LDB2: variants seen among roughly 807,000 people sequenced by gnomAD.
LDB2 encodes LIM domain-binding protein 2.
LDB2 carries 12 observed loss-of-function variants against 44.3 expected under a neutral mutation model. The ratio of observed to expected loss-of-function variants is 0.27; its 90% CI spans 0.17 to 0.44. The LOEUF is 0.44. Among genes scored for constraint, LDB2 ranks in the 20% least tolerant of loss-of-function variants. The probability of loss-of-function intolerance (pLI) is 1.00; values close to 1 mark genes in which losing one functional copy is unlikely to be tolerated. For missense variants in LDB2, 344 were observed against 473.5 expected (o/e 0.73, Z 2.54); for synonymous variants, 164 against 174.8 (o/e 0.94, Z 0.49).
chr4:16,694,020 T>C (rs940592075), intron 2 of LDB2, among the ~76,000 whole-genome samples: 1 of 152,198 alleles, frequency 6.6e-6, no homozygotes, highest in Non-Finnish European at 1.5e-5. Context: ...GATCTCATGA[T>C]AGCACTGAGA....
intron 1 of LDB2, among the ~76,000 whole-genome samples, chr4:16,860,802 T>G (rs553478185): frequency 6.6e-6 from 1 of 152,352 alleles, no homozygotes; most frequent in East Asian, 1.9e-4. Context: ...GGCTGGTGAA[T>G]GTATTTTATA....
intron 5 of LDB2, among the ~76,000 whole-genome samples, chr4:16,541,731 G>T (rs974171257): frequency 6.6e-6 from 1 of 152,084 alleles, no homozygotes; most frequent in African/African-American, 2.4e-5. Flanking sequence ...ATGCCACAAG[G>T]ATGACCTTAA....
chr4:16,590,588 C>G (rs1468269213), intron 3 of LDB2, among the ~76,000 whole-genome samples: 1 of 152,182 alleles, frequency 6.6e-6, no homozygotes, highest in Admixed American at 6.5e-5. Flanking sequence ...AATGCCAGTA[C>G]AGGAGAATTA....
At chr4:16,731,536 A>C (rs1302589261) in intron 2 of LDB2, among the ~76,000 whole-genome samples, 1 of 152,176 alleles carries the variant, frequency 6.6e-6, no homozygotes, top group Non-Finnish European at 1.5e-5. Flanking sequence ...GCACACATGC[A>C]CAAAGACACA....
chr4:16,680,417 G>A (rs559225718), intron 2 of LDB2, among the ~76,000 whole-genome samples: 75 of 152,294 alleles, frequency 4.9e-4, no homozygotes, highest in African/African-American at 1.7e-3. Context: ...CTGGCAAAGA[G>A]CATAAGTGCT....
At chr4:16,880,048 CCCAAA>C (rs1339534997) in intron 1 of LDB2, among the ~76,000 whole-genome samples, 1 of 152,108 alleles carries the variant, frequency 6.6e-6, no homozygotes, top group Non-Finnish European at 1.5e-5. Context: ...CCTTTATTTC[CCCAAA>C]CCAGATGCCC....
At chr4:16,595,150 TC>T (rs1720454842) in intron 3 of LDB2, among the ~76,000 whole-genome samples, 1 of 152,148 alleles carries the variant, frequency 6.6e-6, no homozygotes, top group African/African-American at 2.4e-5. Flanking sequence ...GATAATCCGA[TC>T]CTGACACTTG....
chr4:16,510,039 C>T (rs956922069), intron 6 of LDB2, among the ~76,000 whole-genome samples: 6 of 152,132 alleles, frequency 3.9e-5, no homozygotes, highest in East Asian at 1.9e-4. Flanking sequence ...CACCTGAGCC[C>T]GGAAGTCGAG....
chr4:16,762,483 G>A (rs547019626), intron 1 of LDB2, among the ~76,000 whole-genome samples: 40 of 152,286 alleles, frequency 2.6e-4, no homozygotes, highest in Middle Eastern at 6.8e-3. Context: ...CATGGCTGGG[G>A]AGGCCTCAGG....
intron 1 of LDB2, among the ~76,000 whole-genome samples, chr4:16,876,789 AT>A (rs1182564053): frequency 1.3e-5 from 2 of 152,180 alleles, no homozygotes; most frequent in Non-Finnish European, 2.9e-5. Context: ...ATTTCTAGAA[AT>A]AAGTATTGCC....
chr4:16,628,809 C>A (rs926571040), intron 2 of LDB2, among the ~76,000 whole-genome samples: 1 of 152,160 alleles, frequency 6.6e-6, no homozygotes. Context: ...TGTCACCTCA[C>A]CCAGGAAGTG....
At chr4:16,506,165 C>A in intron 7 of LDB2, 1 of 551,938 alleles carries the variant, frequency 1.8e-6, no homozygotes. Flanking sequence ...GTTGATAACT[C>A]AGTAGACAGG....
At chr4:16,881,177 G>A (rs1422402437) in intron 1 of LDB2, among the ~76,000 whole-genome samples, 4 of 152,162 alleles carry the variant, frequency 2.6e-5, no homozygotes, top group East Asian at 3.9e-4. Flanking sequence ...TAAAGTGGGC[G>A]CTGTCTGGAG....
rs115578076 is a variant in LDB2, at chr4:16,640,363, A to G, written c.236-44488T>C. Among the ~76,000 whole-genome samples the G allele has an allele frequency of 8.8e-3, 1,336 of 152,324 alleles. 21 individuals are homozygous for G. The highest frequency in any genetic ancestry group is 0.031 in the African/African-American group (1,269 of 41,566). On this transcript the variant is annotated intron_variant, in intron 2 of 7. Coordinates refer to ENST00000304523, the MANE Select transcript of LDB2 (RefSeq NM_001290.5). ...TGGAAATTCCTTAGATAGTTAGTGGATTATAGATCGTTAACTGAAATATGA... is the reference window on the plus strand; with the variant it reads ...TGGAAATTCCTTAGATAGTTAGTGGGTTATAGATCGTTAACTGAAATATGA...
Position 16,609,351 on chromosome 4 carries a change from C to T in LDB2, c.236-13476G>A, listed in dbSNP as rs1033622748. On this transcript the variant is annotated intron_variant, in intron 2 of 7. Coordinates refer to ENST00000304523, the MANE Select transcript of LDB2 (RefSeq NM_001290.5). ...CCTACTGAACTCCCAGGGGAGGGGG[C>T]GGGGGGGGGAGGGGAAGGGCAACCA... 7.0e-4 allele frequency among the ~76,000 whole-genome samples: 76 copies of T among 108,920 alleles called. 2 individuals carry two copies. Among genetic ancestry groups the T allele is most frequent in the African/African-American group, 2.3e-3 (71 of 30,250 alleles). 71.5% of individuals were successfully genotyped at this position (108,920 alleles called of 152,430 possible).
At chr4:16,560,152 A>G (rs181518555) in intron 5 of LDB2, among the ~76,000 whole-genome samples, 1 of 152,332 alleles carries the variant, frequency 6.6e-6, no homozygotes, top group East Asian at 1.9e-4. Flanking sequence ...TCACAATTAA[A>G]AGAACTAGAA....
chr4:16,645,760 G>T (rs1161313762), intron 2 of LDB2, among the ~76,000 whole-genome samples: 2 of 152,102 alleles, frequency 1.3e-5, no homozygotes, highest in African/African-American at 4.8e-5. Context: ...ATGAGCTTTG[G>T]GTCAGAGTTT....
intron 2 of LDB2, among the ~76,000 whole-genome samples, chr4:16,608,118 A>C (rs1724444985): frequency 6.6e-6 from 1 of 151,660 alleles, no homozygotes; most frequent in Non-Finnish European, 1.5e-5. Context: ...TATCTAAGAC[A>C]ACTTAGTTTT....
At chr4:16,641,109 C>G (rs1038192552) in intron 2 of LDB2, among the ~76,000 whole-genome samples, 56 of 151,944 alleles carry the variant, frequency 3.7e-4, no homozygotes, top group African/African-American at 1.3e-3. Context: ...TTGGATTTGA[C>G]TAGGGAGTTT....
Sources: gnomAD v4.1 joint callset for allele counts (sites outside exome capture counted in the v4.1 genomes callset) on GRCh38, gnomAD v4.1.1 for gene constraint, MANE v1.5 for transcripts, NCBI Gene and HGNC (gene_info 2026-07-23, HGNC 2026-07-21) for gene names.